ITCH: variants seen among roughly 807,000 people sequenced by gnomAD.
The protein encoded by ITCH is itchy E3 ubiquitin protein ligase.
ITCH carries 28 observed loss-of-function variants against 126.8 expected under a neutral mutation model. The ratio of observed to expected loss-of-function variants is 0.22; its 90% CI spans 0.16 to 0.30. The LOEUF is 0.30. Among genes scored for constraint, ITCH ranks in the 10% least tolerant of loss-of-function variants. The pLI is 1.00. For synonymous variants in ITCH, 342 were observed against 340.0 expected, an observed-to-expected ratio of 1.01 and a Z score of -0.06; for missense variants, 631 against 1,032.4, an observed-to-expected ratio of 0.61 and a Z score of 5.33.
chr20:34,418,111 C>T (rs1031517843), intron 6 of ITCH, among the ~76,000 whole-genome samples: 1 of 151,672 alleles, frequency 6.6e-6, no homozygotes, highest in Non-Finnish European at 1.5e-5. Flanking sequence ...GGACTACAGG[C>T]GCACTCAGCC....
intron 2 of ITCH, among the ~76,000 whole-genome samples, chr20:34,380,080 T>G (rs1278627117): frequency 6.6e-6 from 1 of 151,974 alleles, no homozygotes; most frequent in African/African-American, 2.4e-5. Context: ...TATTTTTTAA[T>G]AGAGACAGGG....
chr20:34,470,689 C>T (rs1240313272), intron 15 of ITCH, among the ~76,000 whole-genome samples: 1 of 152,082 alleles, frequency 6.6e-6, no homozygotes, highest in Non-Finnish European at 1.5e-5. Flanking sequence ...ACCTCCTGGG[C>T]TCAAGTGATC....
chr20:34,460,083 A>G (rs1167474752), intron 13 of ITCH, among the ~76,000 whole-genome samples: 1 of 152,218 alleles, frequency 6.6e-6, no homozygotes, highest in Non-Finnish European at 1.5e-5. Context: ...CTTGTTACTG[A>G]GCCTATCTTG....
At chr20:34,377,807 C>T (rs2037903250) in intron 2 of ITCH, among the ~76,000 whole-genome samples, 1 of 150,686 alleles carries the variant, frequency 6.6e-6, no homozygotes, top group Admixed American at 6.6e-5. Flanking sequence ...GTCAAGACTG[C>T]AGTGATTTAC....
intron 11 of ITCH, among the ~76,000 whole-genome samples, chr20:34,447,323 T>G (rs985808023): frequency 7.9e-5 from 12 of 152,214 alleles, no homozygotes; most frequent in African/African-American, 2.9e-4. Context: ...CAGCCTATTT[T>G]AGTTAACATA....
intron 3 of ITCH, among the ~76,000 whole-genome samples, chr20:34,394,400 ATGTT>A: frequency 6.6e-6 from 1 of 151,776 alleles, no homozygotes; most frequent in South Asian, 2.1e-4. Context: ...GTTGCTAATT[ATGTT>A]TGTTTGGTAT....
chr20:34,433,242 A>G (rs1462216117), intron 7 of ITCH, among the ~76,000 whole-genome samples: 1 of 152,232 alleles, frequency 6.6e-6, no homozygotes, highest in African/African-American at 2.4e-5. Flanking sequence ...GTGAGCCGAG[A>G]TCGTGCCATT....
chr20:34,417,726 T>TTA (rs1324871629), intron 6 of ITCH, among the ~76,000 whole-genome samples: 1 of 147,042 alleles, frequency 6.8e-6, no homozygotes, highest in Non-Finnish European at 1.5e-5. Context: ...TTTTTTTTTT[T>TTA]AAAGGTTGAC....
chr20:34,470,269 T>C, intron 15 of ITCH, 149 bp downstream of exon 15: 3 of 756,076 alleles, frequency 4.0e-6, no homozygotes, highest in Non-Finnish European at 7.2e-6. Flanking sequence ...AGCAAATAAA[T>C]AGATTTATCA....
At chr20:34,441,368 T>G (rs1286476438) in intron 9 of ITCH, among the ~76,000 whole-genome samples, 2 of 152,196 alleles carry the variant, frequency 1.3e-5, no homozygotes, top group Non-Finnish European at 2.9e-5. Flanking sequence ...CTGATTATTT[T>G]AAGATTATTT....
intron 2 of ITCH, among the ~76,000 whole-genome samples, chr20:34,384,469 C>T (rs1481904323): frequency 2.0e-5 from 3 of 151,418 alleles, no homozygotes; most frequent in South Asian, 2.1e-4. Flanking sequence ...TTAGTAGAGA[C>T]GGGGTTTGAC....
chr20:34,369,439 C>T lies in ITCH; in HGVS notation c.-53C>T, dbSNP rs1177669833. The T allele has an allele frequency of 5.0e-6, 2 of 398,902 alleles. No individual in the cohort carries two copies. Among genetic ancestry groups the T allele is most frequent in the Non-Finnish European group, 8.8e-6 (2 of 226,094 alleles). 24.7% of individuals were successfully genotyped at this position (398,902 alleles called of 1,614,324 possible). On this transcript the variant is annotated 5_prime_UTR_variant, in exon 2 of 25. Coordinates refer to ENST00000374864, the MANE Select transcript of ITCH (RefSeq NM_031483.7). The stretch of plus-strand genomic sequence containing the variant: ...GCCTTGTGGAGACAACGCCTTAACC[C>T]AAGGAAGTGACTCAAACTGTGAGAA...
intron 6 of ITCH, among the ~76,000 whole-genome samples, chr20:34,423,087 G>A (rs1038730091): frequency 1.3e-5 from 2 of 152,032 alleles, no homozygotes; most frequent in African/African-American, 2.4e-5. Context: ...GAGCCACCAC[G>A]CCCGGCCTCT....
intron 7 of ITCH, among the ~76,000 whole-genome samples, chr20:34,425,860 C>T (rs1273996308): frequency 1.3e-5 from 2 of 152,240 alleles, no homozygotes; most frequent in African/African-American, 4.8e-5. Flanking sequence ...TGGGTCCTCA[C>T]ACGTTGAGCG....
chr20:34,495,698 T>C (rs996801495), intron 23 of ITCH, among the ~76,000 whole-genome samples: 1 of 152,060 alleles, frequency 6.6e-6, no homozygotes, highest in Non-Finnish European at 1.5e-5. Context: ...TATGGACACA[T>C]AAGTTGATTC....
chr20:34,411,871 G>A (rs1193928591), intron 4 of ITCH, among the ~76,000 whole-genome samples: 1 of 152,134 alleles, frequency 6.6e-6, no homozygotes, highest in South Asian at 2.1e-4. Flanking sequence ...TTCCTTATTG[G>A]CATTTAGCAA....
chr20:34,408,871 CT>C, intron 4 of ITCH, 79 bp downstream of exon 4: 2 of 1,450,752 alleles, frequency 1.4e-6, no homozygotes, highest in Admixed American at 1.9e-5. Context: ...ATGTTTCTCA[CT>C]TTGGTTTTTT....
chr20:34,491,999 G>T (rs1285131735), intron 22 of ITCH, among the ~76,000 whole-genome samples: 2 of 152,192 alleles, frequency 1.3e-5, no homozygotes, highest in African/African-American at 4.8e-5. Context: ...CTGGGGCTGG[G>T]GGGTGGTGGT....
Position 34,438,475 on chromosome 20 carries a change from G to C in ITCH, c.523G>C (p.Val175Leu). The change falls in exon 8 of 25, where the codon GTG becomes CTG. Residue 175 changes from valine (V) to leucine (L), a missense_variant and splice_region_variant. Val to Leu is a conservative substitution (Grantham distance 32). Transcript: ENST00000374864. ...TCCTTTTCCCCTCTTCTTACCCAGA[G>C]TGAGCACAAATGGATCAGATGACCC... ...DGSRSKDETRVSTNGSDDPED... is the reference protein window; with the variant it reads ...DGSRSKDETRLSTNGSDDPED... 1 of 1,613,734 alleles carries C rather than the reference G, an allele frequency of 6.2e-7. No homozygotes were observed. The highest frequency in any genetic ancestry group is 8.5e-7 in the Non-Finnish European group (1 of 1,179,944).
Sources: allele counts gnomAD v4.1 joint callset (sites outside exome capture counted in the v4.1 genomes callset), GRCh38; gene constraint gnomAD v4.1.1; transcripts MANE v1.5; gene names NCBI Gene and HGNC (gene_info 2026-07-23, HGNC 2026-07-21).